The following GNG4 variants were observed in gnomAD, a reference collection of about 807,000 sequenced individuals.
GNG4 encodes G protein subunit gamma 4.
A neutral mutation model predicts 5.8 loss-of-function variants in GNG4; 4 were observed. The ratio of observed to expected loss-of-function variants is 0.69; its 90% confidence interval spans 0.34 to 1.57. The LOEUF (loss-of-function observed/expected upper bound fraction) is 1.57, where lower values mean the gene tolerates loss of function less well. GNG4 is among the 40% of genes most tolerant of loss of function. The pLI, the probability that GNG4 is intolerant of heterozygous loss-of-function variation, is 0.06. For synonymous variants in GNG4, 29 were observed against 32.9 expected, an observed-to-expected ratio of 0.88 and a Z score of 0.41; for missense variants, 96 against 95.1, an observed-to-expected ratio of 1.01 and a Z score of -0.04.
intron 1 of GNG4, among the ~76,000 whole-genome samples, chr1:235,619,566 A>G (rs955895096): frequency 6.6e-6 from 1 of 152,218 alleles, no homozygotes; most frequent in African/African-American, 2.4e-5. Flanking sequence ...CTGAAGAGGG[A>G]GGAAAACTTC....
chr1:235,596,231 C>G (rs1183386662), intron 1 of GNG4, among the ~76,000 whole-genome samples: 1 of 148,078 alleles, frequency 6.8e-6, no homozygotes, highest in African/African-American at 2.5e-5. Context: ...CACACACACA[C>G]ACACACACAC....
intron 3 of GNG4, among the ~76,000 whole-genome samples, chr1:235,562,984 A>G (rs1279180355): frequency 1.3e-5 from 2 of 152,220 alleles, no homozygotes; most frequent in African/African-American, 4.8e-5. Flanking sequence ...CTGATAATCT[A>G]AATTAGTTTT....
chr1:235,576,753 T>C (rs553672626), intron 3 of GNG4, among the ~76,000 whole-genome samples: 4 of 152,078 alleles, frequency 2.6e-5, no homozygotes, highest in Non-Finnish European at 4.4e-5. Context: ...TCTCGATAAA[T>C]ATTAAATGAA....
chr1:235,641,712 T>C (rs1657335541), intron 1 of GNG4, among the ~76,000 whole-genome samples: 1 of 151,898 alleles, frequency 6.6e-6, no homozygotes, highest in Non-Finnish European at 1.5e-5. Context: ...AAATAAATAA[T>C]CTGTGACTCC....
chr1:235,592,890 G>C (rs901963968), intron 2 of GNG4, among the ~76,000 whole-genome samples: 1 of 151,800 alleles, frequency 6.6e-6, no homozygotes, highest in Non-Finnish European at 1.5e-5. Context: ...GCAACACCTC[G>C]GTGTGGATAT....
chr1:235,579,435 T>TAA (rs140477432), intron 3 of GNG4, among the ~76,000 whole-genome samples: 20 of 148,726 alleles, frequency 1.3e-4, no homozygotes, highest in African/African-American at 3.7e-4. Flanking sequence ...AATACATTAA[T>TAA]AAAAAAAAAC....
At chr1:235,559,581 G>A (rs544095040) in intron 3 of GNG4, among the ~76,000 whole-genome samples, 51 of 152,272 alleles carry the variant, frequency 3.3e-4, no homozygotes, top group Admixed American at 3.3e-3. Context: ...ACTTGTTGGC[G>A]GATGGCCTGT....
At chr1:235,632,079 T>A (rs1343235625) in intron 1 of GNG4, among the ~76,000 whole-genome samples, 1 of 152,118 alleles carries the variant, frequency 6.6e-6, no homozygotes. Flanking sequence ...TTAGTTGACA[T>A]GTTTTTCCTT....
At chr1:235,558,052 C>T (rs889806110) in intron 3 of GNG4, among the ~76,000 whole-genome samples, 6 of 152,124 alleles carry the variant, frequency 3.9e-5, no homozygotes, top group Non-Finnish European at 5.9e-5. Context: ...ATCACAGTTG[C>T]GTTTGCTGAG....
intron 1 of GNG4, among the ~76,000 whole-genome samples, chr1:235,641,732 T>C (rs961346532): frequency 6.6e-6 from 1 of 152,020 alleles, no homozygotes; most frequent in African/African-American, 2.4e-5. Flanking sequence ...CATCAACACT[T>C]TCACCTGTTG....
At chr1:235,606,081 TA>T in intron 1 of GNG4, among the ~76,000 whole-genome samples, 1 of 151,892 alleles carries the variant, frequency 6.6e-6, no homozygotes, top group African/African-American at 2.4e-5. Context: ...TGTTACATTC[TA>T]GAAAGGTCAC....
rs567755802 is a variant in GNG4 at position 235,553,351 on chromosome 1, T to C, written c.100-1114A>G. 5.9e-5 allele frequency among the ~76,000 whole-genome samples: 9 copies of C among 152,310 alleles called. No homozygotes were observed. In the East Asian group the frequency reaches 1.7e-3, roughly 29 times the overall value. On this transcript the variant is annotated intron_variant, in intron 3 of 3. Coordinates refer to ENST00000391854, the MANE Select transcript of GNG4 (RefSeq NM_001098722.2). The stretch of plus-strand genomic sequence containing the variant: ...CTGTGCATTAACTCATCCTGCCAAT[T>C]AGGCTGTTCTGCCTGCGAGTATTTA...
intron 2 of GNG4, among the ~76,000 whole-genome samples, chr1:235,587,065 G>A (rs984257070): frequency 1.3e-5 from 2 of 151,778 alleles, no homozygotes; most frequent in African/African-American, 4.8e-5. Context: ...AAGCCAAGAG[G>A]ACATGGAGCA....
intron 1 of GNG4, among the ~76,000 whole-genome samples, chr1:235,620,157 A>G (rs1416614619): frequency 6.6e-6 from 1 of 152,158 alleles, no homozygotes; most frequent in Non-Finnish European, 1.5e-5. Context: ...TGAGGTCGGG[A>G]GTTCGAGACC....
At chr1:235,595,375 A>T (rs1688098816) in intron 2 of GNG4, 25 bp downstream of exon 2, 2 of 152,322 alleles carry the variant, frequency 1.3e-5, no homozygotes, top group African/African-American at 4.8e-5. Context: ...TCCTGCCCCT[A>T]CACAGGGTAA....
chr1:235,583,646 G>A, intron 3 of GNG4, 94 bp downstream of exon 3: 1 of 755,662 alleles, frequency 1.3e-6, no homozygotes, highest in East Asian at 2.5e-5. Flanking sequence ...TCTGCTGGGT[G>A]ACGTGTTAAC....
chr1:235,590,891 G>A (rs897677023), intron 2 of GNG4, among the ~76,000 whole-genome samples: 1 of 152,156 alleles, frequency 6.6e-6, no homozygotes, highest in African/African-American at 2.4e-5. Flanking sequence ...ATGTACCTTA[G>A]GGGCTGTCTC....
At chr1:235,562,195 T>C (rs569073755) in intron 3 of GNG4, among the ~76,000 whole-genome samples, 1 of 152,380 alleles carries the variant, frequency 6.6e-6, no homozygotes, top group South Asian at 2.1e-4. Flanking sequence ...TACCACATTG[T>C]CTTAATTACT....
At chr1:235,592,381 T>C (rs867994075) in intron 2 of GNG4, among the ~76,000 whole-genome samples, 3 of 151,798 alleles carry the variant, frequency 2.0e-5, no homozygotes, top group South Asian at 2.1e-4. Context: ...TGGTGGCACG[T>C]GCCTGTAATC....
Sources: gnomAD v4.1 joint callset for allele counts (sites outside exome capture counted in the v4.1 genomes callset) on GRCh38, gnomAD v4.1.1 for gene constraint, MANE v1.5 for transcripts, NCBI Gene and HGNC (gene_info 2026-07-23, HGNC 2026-07-21) for gene names.